The following ADAM12 variants were observed in gnomAD, a reference collection of about 807,000 sequenced individuals.
ADAM12 encodes the protein disintegrin and metalloproteinase domain-containing protein 12.
Under a neutral mutation model 106.4 loss-of-function variants are expected in ADAM12, and 70 were observed. The ratio of observed to expected loss-of-function variants is 0.66; its 90% CI spans 0.54 to 0.80. The LOEUF is 0.80. Among genes scored for constraint, ADAM12 ranks in the 30% least tolerant of loss-of-function variants. The pLI is 0.00. For synonymous variants in ADAM12, 420 were observed against 433.5 expected (o/e 0.97, Z 0.39); for missense variants, 1,010 against 1,171.9 (o/e 0.86, Z 2.02).
At chr10:126,387,742 G>A (rs1856717591) in intron 1 of ADAM12, among the ~76,000 whole-genome samples, 1 of 152,174 alleles carries the variant, frequency 6.6e-6, no homozygotes, top group African/African-American at 2.4e-5. Flanking sequence ...AGTGACACGT[G>A]TAAATGTCAA....
At chr10:126,316,976 T>C (rs190333906) in intron 2 of ADAM12, among the ~76,000 whole-genome samples, 1 of 152,262 alleles carries the variant, frequency 6.6e-6, no homozygotes, top group Non-Finnish European at 1.5e-5. Context: ...TATAAGCTAT[T>C]CATATGATAA....
intron 14 of ADAM12, among the ~76,000 whole-genome samples, chr10:126,059,711 T>TA (rs1954711140): frequency 1.3e-5 from 2 of 152,304 alleles, no homozygotes; most frequent in South Asian, 4.1e-4. Context: ...TGGTGAGTGA[T>TA]AAAATAGAAA....
chr10:126,073,022 G>A (rs924269169), intron 11 of ADAM12, among the ~76,000 whole-genome samples: 3 of 152,140 alleles, frequency 2.0e-5, no homozygotes, highest in East Asian at 1.9e-4. Context: ...CATCCTCTCC[G>A]AGTGGTTTCC....
chr10:126,189,759 T>C (rs1294320542), intron 3 of ADAM12, among the ~76,000 whole-genome samples: 2 of 151,992 alleles, frequency 1.3e-5, no homozygotes, highest in African/African-American at 4.8e-5. Context: ...CCACAAGCTG[T>C]CCCTCGCCTC....
chr10:126,222,129 G>A lies in ADAM12; in HGVS notation c.260+56786C>T, dbSNP rs137933682. ...GGCATTACACGGAACCATGGGCACC[G>A]TTCTTCTCTGGAAGGTACTCAGTTA... On this transcript the variant is annotated intron_variant, in intron 3 of 22. Transcript: ENST00000448723. 5.3e-3 allele frequency among the ~76,000 whole-genome samples: 810 copies of A among 152,312 alleles called. 3 individuals carry two copies. Among genetic ancestry groups the A allele is most frequent in the South Asian group, 0.019 (94 of 4,826 alleles).
In ADAM12 at chr10:126,330,501, A is replaced by G. The variant is rs563148456; in HGVS notation, c.97T>C (p.Leu33=). The change falls in exon 2 of 23, where the codon TTA becomes CTA. Residue 33 remains leucine, a synonymous_variant. Coordinates refer to ENST00000448723, the MANE Select transcript of ADAM12 (RefSeq NM_001288973.2). ...LAPCEARGVS[L]WNQGRADEVV... ...TCATCAGCTCTTCCTTGGTTCCATAAGCTCACCCCTGAATCAAAAGGAAAA... is the reference window on the plus strand; with the variant it reads ...TCATCAGCTCTTCCTTGGTTCCATAGGCTCACCCCTGAATCAAAAGGAAAA... The G allele has an allele frequency of 9.9e-6, 16 of 1,613,448 alleles. No individual in the cohort carries two copies.
At chr10:126,214,873 A>T (rs1042594393) in intron 3 of ADAM12, among the ~76,000 whole-genome samples, 4 of 152,142 alleles carry the variant, frequency 2.6e-5, no homozygotes, top group Non-Finnish European at 4.4e-5. Context: ...CGCTGGCTGG[A>T]TTAGGATGCC....
chr10:126,356,954 T>A (rs1855561611), intron 1 of ADAM12, among the ~76,000 whole-genome samples: 2 of 152,264 alleles, frequency 1.3e-5, no homozygotes, highest in South Asian at 4.1e-4. Context: ...AGGAAGCCAA[T>A]GGGAATTATG....
intron 2 of ADAM12, among the ~76,000 whole-genome samples, chr10:126,326,892 C>T (rs765709906): frequency 5.9e-5 from 9 of 152,198 alleles, no homozygotes; most frequent in Non-Finnish European, 7.3e-5. Flanking sequence ...CTTTCCTGAC[C>T]ACCCTCAGGG....
At chr10:126,116,524 G>C (rs528370783) in intron 6 of ADAM12, among the ~76,000 whole-genome samples, 3 of 151,950 alleles carry the variant, frequency 2.0e-5, no homozygotes, top group South Asian at 4.2e-4. Context: ...AGGTTGGGGG[G>C]GTAATTTTCA....
intron 3 of ADAM12, among the ~76,000 whole-genome samples, chr10:126,241,731 G>A (rs535516164): frequency 1.3e-5 from 2 of 152,190 alleles, no homozygotes; most frequent in Non-Finnish European, 2.9e-5. Context: ...ACGGGGACAA[G>A]AATGTTTGCA....
chr10:126,149,573 A>G (rs1460054855), intron 4 of ADAM12, among the ~76,000 whole-genome samples: 2 of 152,222 alleles, frequency 1.3e-5, no homozygotes, highest in Non-Finnish European at 2.9e-5. Context: ...CCCGTCCTCA[A>G]TCTGGGTGGG....
chr10:126,108,573 A>G lies in ADAM12; in HGVS notation c.741+20T>C. On this transcript the variant is annotated intron_variant, in intron 8 of 22. Transcript: ENST00000448723. ...ACATTTACATGATCTGAATGATTTA[A>G]CTACTGAAAAAGAACTTACCTTGTC... The G allele has an allele frequency of 6.2e-7, 1 of 1,602,508 alleles. No individual in the cohort carries two copies. The highest frequency in any genetic ancestry group is 8.6e-7 in the Non-Finnish European group (1 of 1,169,442).
intron 3 of ADAM12, among the ~76,000 whole-genome samples, chr10:126,213,918 G>T (rs146721437): frequency 5.2e-4 from 79 of 152,306 alleles, no homozygotes; most frequent in African/African-American, 1.8e-3. Flanking sequence ...CTATTAGAAA[G>T]CAGCTTTCCA....
At chr10:126,330,376 G>C (rs372941246) in intron 2 of ADAM12, 36 bp downstream of exon 2, 2 of 1,547,816 alleles carry the variant, frequency 1.3e-6, no homozygotes, top group East Asian at 2.2e-5. Context: ...TAAAAGCTTC[G>C]GCAGTCTCAA....
At chr10:126,352,774 T>C (rs998262710) in intron 1 of ADAM12, among the ~76,000 whole-genome samples, 6 of 152,210 alleles carry the variant, frequency 3.9e-5, no homozygotes, top group African/African-American at 1.4e-4. Flanking sequence ...CCTTGGAGGC[T>C]GGGGACCTTG....
At chr10:126,138,925 G>A (rs11244831) in intron 4 of ADAM12, among the ~76,000 whole-genome samples, 26,590 of 151,510 alleles carry the variant, frequency 0.18, 2,369 homozygotes, top group Middle Eastern at 0.2. Context: ...TTCATTCTTC[G>A]GCATGTGGAC....
intron 8 of ADAM12, among the ~76,000 whole-genome samples, chr10:126,104,649 T>C (rs959565438): frequency 6.6e-6 from 1 of 152,006 alleles, no homozygotes; most frequent in Non-Finnish European, 1.5e-5. Context: ...CCTGTGGGAA[T>C]GTAATGAGGA....
chr10:126,344,090 C>T (rs1190090230), intron 1 of ADAM12, among the ~76,000 whole-genome samples: 1 of 152,102 alleles, frequency 6.6e-6, no homozygotes, highest in Non-Finnish European at 1.5e-5. Context: ...ACATGAAGTC[C>T]TTGCCCATGC....
Sources: gnomAD v4.1 joint callset for allele counts (sites outside exome capture counted in the v4.1 genomes callset) on GRCh38, gnomAD v4.1.1 for gene constraint, MANE v1.5 for transcripts, NCBI Gene and HGNC (gene_info 2026-07-23, HGNC 2026-07-21) for gene names.